Variants in SLC22A16 observed in about 807,000 individuals in gnomAD.
SLC22A16 encodes the protein solute carrier family 22 member 16, also known as WUGSC:RG331P03.1.
SLC22A16 carries 53 observed loss-of-function variants against 52.9 expected under a neutral mutation model. The ratio of observed to expected loss-of-function variants is 1.00; its 90% confidence interval spans 0.80 to 1.26. The LOEUF is 1.26. Among genes scored for constraint, SLC22A16 ranks in the 50% most tolerant of loss-of-function variants. The pLI is 0.00. For synonymous variants in SLC22A16, 291 were observed against 268.8 expected (o/e 1.08, Z -0.81); for missense variants, 726 against 704.0 (o/e 1.03, Z -0.35).
At chr6:110,445,809 C>T (rs916881351) in intron 3 of SLC22A16, among the ~76,000 whole-genome samples, 2 of 152,070 alleles carry the variant, frequency 1.3e-5, no homozygotes, top group African/African-American at 4.8e-5. Context: ...CGTGAAATCT[C>T]ACTCTACAGT....
At chr6:110,426,587 G>A (rs192075626) in intron 7 of SLC22A16, among the ~76,000 whole-genome samples, 17 of 151,996 alleles carry the variant, frequency 1.1e-4, no homozygotes, top group East Asian at 1.9e-4. Context: ...TCCATCCATC[G>A]TCCAACCTCC....
chr6:110,456,213 A>T, intron 2 of SLC22A16: 1 of 268,774 alleles, frequency 3.7e-6, no homozygotes, highest in Non-Finnish European at 7.0e-6. Context: ...TTCTGTATTA[A>T]TTTTGCAATA....
chr6:110,449,030 G>C (rs1206289005), intron 2 of SLC22A16, among the ~76,000 whole-genome samples: 1 of 152,048 alleles, frequency 6.6e-6, no homozygotes, highest in Non-Finnish European at 1.5e-5. Context: ...TAGCCACGTT[G>C]CATTTCCTCC....
At chr6:110,428,828 G>C (rs988493844) in intron 7 of SLC22A16, among the ~76,000 whole-genome samples, 2 of 152,194 alleles carry the variant, frequency 1.3e-5, no homozygotes. Flanking sequence ...GCTGAGGCGG[G>C]AGAATCTTTT....
At chr6:110,465,556 C>A (rs565540725) in intron 1 of SLC22A16, among the ~76,000 whole-genome samples, 2 of 151,930 alleles carry the variant, frequency 1.3e-5, no homozygotes, top group East Asian at 1.9e-4. Context: ...CACAAACACA[C>A]AAAATACCTA....
At chr6:110,454,840 T>A (rs1775564417) in intron 2 of SLC22A16, among the ~76,000 whole-genome samples, 1 of 76,568 alleles carries the variant, frequency 1.3e-5, no homozygotes, top group Non-Finnish European at 2.3e-5. Flanking sequence ...AATATATATA[T>A]TATAATATAT....
At chr6:110,469,152 C>T (rs890189342) in intron 1 of SLC22A16, among the ~76,000 whole-genome samples, 1 of 152,188 alleles carries the variant, frequency 6.6e-6, no homozygotes, top group African/African-American at 2.4e-5. Context: ...AGTCAATTCT[C>T]CCCTCTTTAC....
chr6:110,454,279 T>G (rs1235891240), intron 2 of SLC22A16, among the ~76,000 whole-genome samples: 1 of 152,008 alleles, frequency 6.6e-6, no homozygotes, highest in African/African-American at 2.4e-5. Flanking sequence ...GCAAGAAGTA[T>G]AGAAGACTAC....
In SLC22A16 at chr6:110,438,700, A is replaced by C. The variant is rs1212691490; in HGVS notation, c.1311+20T>G. ...ACTGTCACAGTATAACTGTCTTATA[A>C]AAAACAGAAGATAACTCACCTGGGG... On this transcript the variant is annotated intron_variant, in intron 5 of 7. Transcript: ENST00000368919. 1.2e-6 allele frequency: 2 copies of C among 1,606,692 alleles called. No homozygotes were observed. The highest frequency in any genetic ancestry group is 1.7e-6 in the Non-Finnish European group (2 of 1,177,154).
intron 1 of SLC22A16, among the ~76,000 whole-genome samples, chr6:110,471,387 C>T (rs556236664): frequency 6.6e-6 from 1 of 152,322 alleles, no homozygotes; most frequent in South Asian, 2.1e-4. Flanking sequence ...ATGAACTTCT[C>T]AGAAGTATCT....
At chr6:110,433,382 C>A (rs192077060) in intron 6 of SLC22A16, among the ~76,000 whole-genome samples, 29 of 152,312 alleles carry the variant, frequency 1.9e-4, no homozygotes, top group African/African-American at 7.0e-4. Context: ...GTCCACAGGG[C>A]TGCCTGCCCT....
intron 1 of SLC22A16, among the ~76,000 whole-genome samples, chr6:110,458,610 CA>C (rs1775756119): frequency 1.3e-5 from 2 of 152,264 alleles, no homozygotes; most frequent in Non-Finnish European, 2.9e-5. Context: ...AGATAGCTGG[CA>C]AAACATTATT....
intron 2 of SLC22A16, among the ~76,000 whole-genome samples, chr6:110,454,104 A>T (rs1775489965): frequency 6.6e-6 from 1 of 152,118 alleles, no homozygotes; most frequent in Non-Finnish European, 1.5e-5. Flanking sequence ...CTCACCTCCC[A>T]ACACCGCCAC....
At chr6:110,454,444 G>C (rs1312944473) in intron 2 of SLC22A16, among the ~76,000 whole-genome samples, 4 of 149,348 alleles carry the variant, frequency 2.7e-5, no homozygotes, top group African/African-American at 9.9e-5. Flanking sequence ...ATGAATACCA[G>C]TTAATGGTAT....
chr6:110,452,819 T>C (rs1018388082), intron 2 of SLC22A16, among the ~76,000 whole-genome samples: 14 of 152,246 alleles, frequency 9.2e-5, no homozygotes, highest in African/African-American at 3.4e-4. Flanking sequence ...TTGAAATTCA[T>C]CAAATGCTTT....
chr6:110,427,893 G>T (rs113084799), intron 7 of SLC22A16, among the ~76,000 whole-genome samples: 1 of 152,148 alleles, frequency 6.6e-6, no homozygotes, highest in African/African-American at 2.4e-5. Flanking sequence ...TTCGGGACTG[G>T]TGGTGATTTG....
intron 4 of SLC22A16, 58 bp downstream of exon 4, chr6:110,442,186 A>G: frequency 6.6e-7 from 1 of 1,522,354 alleles, no homozygotes; most frequent in Non-Finnish European, 8.9e-7. Flanking sequence ...AGACACACAC[A>G]CACAAATGGT....
intron 1 of SLC22A16, among the ~76,000 whole-genome samples, chr6:110,471,393 T>C (rs575855612): frequency 1.3e-5 from 2 of 152,312 alleles, no homozygotes; most frequent in South Asian, 4.1e-4. Context: ...TTCTCAGAAG[T>C]ATCTCTGTCG....
At chr6:110,438,586 C>T (rs536488039) in intron 5 of SLC22A16, 134 bp downstream of exon 5, 2 of 887,274 alleles carry the variant, frequency 2.3e-6, no homozygotes, top group Non-Finnish European at 3.1e-6. Flanking sequence ...TTAAAGAAAA[C>T]AGATTTTTAA....
Sources: allele counts gnomAD v4.1 joint callset (sites outside exome capture counted in the v4.1 genomes callset), GRCh38; gene constraint gnomAD v4.1.1; transcripts MANE v1.5; gene names NCBI Gene and HGNC (gene_info 2026-07-23, HGNC 2026-07-21).